MED28: variants seen among roughly 807,000 people sequenced by gnomAD.
The protein encoded by MED28 is mediator complex subunit 28.
Under a neutral mutation model 21.3 loss-of-function variants are expected in MED28, and 26 were observed. The ratio of observed to expected loss-of-function variants is 1.22; its 90% CI spans 0.89 to 1.69. The LOEUF is 1.69. MED28 is among the 40% of genes most tolerant of loss of function. MED28 has a pLI of 0.00. For missense variants in MED28, 257 were observed against 215.4 expected (o/e 1.19, Z -1.21); for synonymous variants, 110 against 87.6 (o/e 1.26, Z -1.43).
Position 17,632,665 on chromosome 4 carries a change from C to T in MED28, c.*8867C>T, listed in dbSNP as rs1053433076. 4.7e-5 allele frequency: 65 copies of T among 1,382,270 alleles called. No homozygotes were observed. The highest frequency in any genetic ancestry group is 6.0e-5 in the Non-Finnish European group (60 of 999,126). 85.6% of individuals were successfully genotyped at this position (1,382,270 alleles called of 1,614,324 possible). A position where few individuals can be genotyped will look rare whatever the true frequency, so the allele number is the denominator to read the frequency against. On this transcript the variant is annotated 3_prime_UTR_variant, in exon 4 of 4. Coordinates refer to ENST00000237380, the MANE Select transcript of MED28 (RefSeq NM_025205.5). ...AGGTTTTTTTATATGGTTTTGAAAA[C>T]TATGCAAGAAGCAGCTTAATACCCA...
chr4:17,623,486 C>A, intron 3 of MED28, 115 bp from the exon 4 acceptor site: 1 of 966,702 alleles, frequency 1.0e-6, no homozygotes, highest in Non-Finnish European at 1.6e-6. Context: ...GAGTAATGGG[C>A]TTAATATGGT....
At chr4:17,620,001 G>C (rs1337350976) in intron 2 of MED28, 34 bp downstream of exon 2, 2 of 1,585,100 alleles carry the variant, frequency 1.3e-6, no homozygotes, top group Admixed American at 3.3e-5. Flanking sequence ...AATGTTCTGG[G>C]CTTCAGCAGT....
chr4:17,622,300 A>C (rs1014015154), intron 3 of MED28, among the ~76,000 whole-genome samples: 2 of 152,210 alleles, frequency 1.3e-5, no homozygotes, highest in Admixed American at 1.3e-4. Flanking sequence ...CTCAGTGAGA[A>C]ACACTGAATT....
rs1031638348 is a variant in MED28, at chr4:17,630,476, C to T, written c.*6678C>T. ...GGCACCCATTTCTGAAGAATGGGCC[C>T]TCCCCAGACTCCATATCTGCTGGTG... On this transcript the variant is annotated 3_prime_UTR_variant, in exon 4 of 4. Coordinates refer to ENST00000237380, the MANE Select transcript of MED28 (RefSeq NM_025205.5). The T allele has an allele frequency of 1.1e-4, 16 of 152,312 alleles. No individual in the cohort carries two copies. Among genetic ancestry groups the T allele is most frequent in the African/African-American group, 3.4e-4 (14 of 41,566 alleles). 9.4% of individuals were successfully genotyped at this position (152,312 alleles called of 1,614,324 possible).
chr4:17,622,039 T>C (rs1025467185), intron 3 of MED28, among the ~76,000 whole-genome samples: 24 of 152,246 alleles, frequency 1.6e-4, no homozygotes, highest in Non-Finnish European at 2.9e-5. Flanking sequence ...CTGAGATCTG[T>C]GTCCCCACTT....
Position 17,614,828 on chromosome 4 carries a change from G to A in MED28, c.159+15G>A, listed in dbSNP as rs745831667. ...CATCTTTCGAGGTAATATAAGACATGGGCGTCTTTGTCCCTAGCCTTCCCT... is the reference window on the plus strand; with the variant it reads ...CATCTTTCGAGGTAATATAAGACATAGGCGTCTTTGTCCCTAGCCTTCCCT... On this transcript the variant is annotated intron_variant, in intron 1 of 3. Transcript: ENST00000237380. 3.1e-6 allele frequency: 5 copies of A among 1,587,976 alleles called. No homozygotes were observed. The highest frequency in any genetic ancestry group is 4.3e-6 in the Non-Finnish European group (5 of 1,167,580).
intron 3 of MED28, among the ~76,000 whole-genome samples, chr4:17,622,096 A>G (rs1714653193): frequency 6.6e-6 from 1 of 152,238 alleles, no homozygotes; most frequent in Non-Finnish European, 1.5e-5. Flanking sequence ...ATCAAAAAGT[A>G]GTGTTCGACC....
intron 3 of MED28, among the ~76,000 whole-genome samples, chr4:17,623,289 T>C (rs1714686391): frequency 6.6e-6 from 1 of 150,400 alleles, no homozygotes; most frequent in Non-Finnish European, 1.5e-5. Context: ...TGATCCCAGC[T>C]ACTCAGGAGG....
intron 2 of MED28, 40 bp downstream of exon 2, chr4:17,620,007 G>A (rs1714570498): frequency 6.4e-7 from 1 of 1,573,288 alleles, no homozygotes; most frequent in African/African-American, 1.3e-5. Flanking sequence ...CTGGGCTTCA[G>A]CAGTATTTCC....
intron 2 of MED28, 110 bp downstream of exon 2, chr4:17,620,077 C>T (rs1245367554): frequency 1.0e-6 from 1 of 997,554 alleles, no homozygotes; most frequent in South Asian, 1.3e-5. Flanking sequence ...GACAACATTT[C>T]AGGGACTAAA....
At position 17,623,858 on chromosome 4, in the gene MED28, C is replaced by T. The variant is rs1714704864; in HGVS notation, c.*60C>T. 6.5e-7 allele frequency: 1 copy of T among 1,527,356 alleles called. No homozygotes were observed. The highest frequency in any genetic ancestry group is 8.9e-7 in the Non-Finnish European group (1 of 1,119,264). The allele number at this position is 1,527,356 out of a possible 1,614,324, so 94.6% of individuals were successfully genotyped here. ...TGATGCGTGAGGTTGGCCACACATT[C>T]CTTCCTGTGGACTTGACATTTTGGA... is the stretch of plus-strand genomic sequence containing the variant. On this transcript the variant is annotated 3_prime_UTR_variant, in exon 4 of 4. Transcript: ENST00000237380.
chr4:17,618,886 C>T (rs1226045595), intron 1 of MED28, among the ~76,000 whole-genome samples: 1 of 152,186 alleles, frequency 6.6e-6, no homozygotes, highest in African/African-American at 2.4e-5. Context: ...ATCTGTTTTT[C>T]TGATTTACTT....
At chr4:17,621,922 T>A (rs1714649154) in intron 3 of MED28, among the ~76,000 whole-genome samples, 1 of 152,224 alleles carries the variant, frequency 6.6e-6, no homozygotes, top group African/African-American at 2.4e-5. Flanking sequence ...AGCTCTGATG[T>A]GACTTGTGTC....
At position 17,621,670 on chromosome 4, in the gene MED28, G is replaced by A. The variant is rs1714640747; in HGVS notation, c.310G>A (p.Val104Ile). 1.2e-6 allele frequency: 2 copies of A among 1,611,126 alleles called. No individual in the cohort carries two copies. Among genetic ancestry groups the A allele is most frequent in the East Asian group, 4.5e-5 (2 of 44,834 alleles). Residue 104 changes from valine (V) to isoleucine (I), a missense_variant, in exon 3 of 4, where the codon GTC (valine) becomes ATC (isoleucine). By Grantham distance (29) the Val-to-Ile change is conservative. Transcript: ENST00000237380. ...CTTACAAAAAAGATTGCAGTTATCT[G>A]TCCAGAAACCAGAGCAAGTTATCAA... Reference protein sequence around the residue: ...FFLQKRLQLSVQKPEQVIKED... With the variant: ...FFLQKRLQLSIQKPEQVIKED...
chr4:17,621,072 T>C (rs1438525598), intron 2 of MED28, among the ~76,000 whole-genome samples: 2 of 146,982 alleles, frequency 1.4e-5, no homozygotes, highest in East Asian at 4.1e-4. Context: ...TGGAGTGCAG[T>C]GGCGCGATCT....
chr4:17,624,013 GTATT>G lies in MED28; in HGVS notation c.*217_*220del. On this transcript the variant is annotated 3_prime_UTR_variant, in exon 4 of 4. Transcript: ENST00000237380. ...TCTGTAGCTTGGATAAACCAAGTAA[GTATT>G]TTTTTTTTGTCTTTAGCAAAGTTTA... 1.8e-6 allele frequency: 1 copy of G among 557,338 alleles called. No individual in the cohort carries two copies. Among genetic ancestry groups the G allele is most frequent in the Non-Finnish European group, 3.2e-6 (1 of 314,862 alleles). 34.5% of individuals were successfully genotyped at this position (557,338 alleles called of 1,614,324 possible). A position where few individuals can be genotyped will look rare whatever the true frequency, so the allele number is the denominator to read the frequency against.
At chr4:17,621,512 A>G (rs1714631773) in intron 2 of MED28, 75 bp from the exon 3 acceptor site, 2 of 991,740 alleles carry the variant, frequency 2.0e-6, no homozygotes, top group Middle Eastern at 3.3e-4. Flanking sequence ...TTACATTCTG[A>G]TTATTCATTT....
chr4:17,622,643 G>A (rs1577233031), intron 3 of MED28, among the ~76,000 whole-genome samples: 1 of 152,322 alleles, frequency 6.6e-6, no homozygotes, highest in South Asian at 2.1e-4. Flanking sequence ...AGTAGCCTTT[G>A]GAGAGAGGTA....
chr4:17,619,978 C>G lies in MED28; in HGVS notation c.226+11C>G, dbSNP rs753011567. On this transcript the variant is annotated intron_variant, in intron 2 of 3. Transcript: ENST00000237380. ...AAGAAATTCGAACCGGTAAGCATTC[C>G]CTCTGTGTACACAATGTTCTGGGCT... 4 of 1,611,482 alleles carry G rather than the reference C, an allele frequency of 2.5e-6. No homozygotes were observed. In the South Asian group the frequency reaches 4.4e-5, roughly 18 times the overall value.
Sources: allele counts gnomAD v4.1 joint callset (sites outside exome capture counted in the v4.1 genomes callset), GRCh38; gene constraint gnomAD v4.1.1; transcripts MANE v1.5; gene names NCBI Gene and HGNC (gene_info 2026-07-23, HGNC 2026-07-21).